Variants in TMEM120B observed in about 807,000 individuals in gnomAD.
The protein encoded by TMEM120B is transmembrane protein 120B.
A neutral mutation model predicts 55.5 loss-of-function variants in TMEM120B; 31 were observed. That is an observed-to-expected ratio of 0.56 (90% CI 0.42 to 0.75). The LOEUF (loss-of-function observed/expected upper bound fraction) is 0.75, where lower values mean the gene tolerates loss of function less well. Among genes scored for constraint, TMEM120B ranks in the 30% least tolerant of loss-of-function variants. The pLI is 0.00. For synonymous variants in TMEM120B, 203 were observed against 176.3 expected (o/e 1.15, Z -1.20); for missense variants, 399 against 425.5 (o/e 0.94, Z 0.55).
chr12:121,713,830 C>A (rs1894645638), intron 1 of TMEM120B, among the ~76,000 whole-genome samples: 1 of 152,156 alleles, frequency 6.6e-6, no homozygotes, highest in Non-Finnish European at 1.5e-5. Flanking sequence ...CAGGGCTGTT[C>A]CCTCTCCAGT....
intron 5 of TMEM120B, among the ~76,000 whole-genome samples, chr12:121,761,090 T>C (rs1216080967): frequency 2.6e-5 from 4 of 152,176 alleles, no homozygotes; most frequent in East Asian, 3.9e-4. Context: ...GCAATTCTCC[T>C]ACCTCAGCCT....
chr12:121,738,333 G>A (rs568829685), intron 1 of TMEM120B, among the ~76,000 whole-genome samples: 3 of 152,052 alleles, frequency 2.0e-5, no homozygotes, highest in Non-Finnish European at 4.4e-5. Flanking sequence ...TGTTTTACTT[G>A]TGACATTAAA....
intron 10 of TMEM120B, 33 bp downstream of exon 10, chr12:121,774,755 G>C (rs1874180456): frequency 1.9e-6 from 3 of 1,610,040 alleles, no homozygotes; most frequent in Non-Finnish European, 1.7e-6. Context: ...GGTATCTCCT[G>C]TCTGGGCTGA....
intron 1 of TMEM120B, among the ~76,000 whole-genome samples, chr12:121,717,086 G>T (rs1334447755): frequency 1.3e-5 from 2 of 152,150 alleles, no homozygotes; most frequent in African/African-American, 4.8e-5. Context: ...TAGTTTTTGG[G>T]TGGCTGGGGT....
In TMEM120B at chr12:121,743,762, A is replaced by G. The variant is rs1301494786; in HGVS notation, c.188+15A>G. The G allele has an allele frequency of 6.3e-7, 1 of 1,585,978 alleles. No homozygotes were observed. Among genetic ancestry groups the G allele is most frequent in the African/African-American group, 1.3e-5 (1 of 74,276 alleles). ...ACACTCCAGAGGTAGGTGCAGCTGT[A>G]GCCCGGGGGCTGCCCTGGTTCTGAG... On this transcript the variant is annotated intron_variant, in intron 2 of 11. Coordinates refer to ENST00000449592, the MANE Select transcript of TMEM120B (RefSeq NM_001080825.2).
At chr12:121,773,385 C>T (rs374825885) in intron 8 of TMEM120B, 36 bp from the exon 9 acceptor site, 3 of 1,578,866 alleles carry the variant, frequency 1.9e-6, no homozygotes, top group South Asian at 1.1e-5. Flanking sequence ...CCGGGGACAC[C>T]AGGCCCTGAG....
intron 1 of TMEM120B, among the ~76,000 whole-genome samples, chr12:121,729,542 A>G (rs1470734133): frequency 1.3e-5 from 2 of 152,112 alleles, no homozygotes; most frequent in African/African-American, 4.8e-5. Flanking sequence ...GTGGTGGCTC[A>G]CACCTGTAAT....
At position 121,739,050 on chromosome 12, in the gene TMEM120B, G is replaced by T. The variant is rs1315929789; in HGVS notation, c.70-4579G>T. Among the ~76,000 whole-genome samples the T allele has an allele frequency of 2.0e-5, 3 of 152,096 alleles. No homozygotes were observed. The East Asian group carries it at 5.8e-4, about 29-fold the overall frequency. ...TACTAAAAATACAAAAATTAGCTGG[G>T]TATGGTGGCACCTATAATCCCAGCT... is the stretch of plus-strand genomic sequence containing the variant. On this transcript the variant is annotated intron_variant, in intron 1 of 11. Coordinates refer to ENST00000449592, the MANE Select transcript of TMEM120B (RefSeq NM_001080825.2).
chr12:121,755,624 C>G (rs1057053811), intron 5 of TMEM120B, among the ~76,000 whole-genome samples: 13 of 152,032 alleles, frequency 8.6e-5, no homozygotes, highest in Non-Finnish European at 1.8e-4. Flanking sequence ...CCAGAAGAGA[C>G]CCCCAAGACA....
At chr12:121,742,191 C>T (rs1008652338) in intron 1 of TMEM120B, among the ~76,000 whole-genome samples, 1 of 151,986 alleles carries the variant, frequency 6.6e-6, no homozygotes, top group African/African-American at 2.4e-5. Context: ...TTAGTAGAGA[C>T]AGGGTTTCAC....
At position 121,780,405 on chromosome 12, in the gene TMEM120B, C is replaced by T; in HGVS notation, c.*4683C>T. On this transcript the variant is annotated 3_prime_UTR_variant, in exon 12 of 12. Transcript: ENST00000449592. The stretch of plus-strand genomic sequence containing the variant: ...ATTTCTTGTGAAAGTTTCTTTTTGC[C>T]TTTGCATTCCTTTTATTCTGTTTAT... 1 of 198,282 alleles carries T rather than the reference C, an allele frequency of 5.0e-6. No individual in the cohort carries two copies. Among genetic ancestry groups the T allele is most frequent in the Non-Finnish European group, 1.0e-5 (1 of 96,924 alleles). The allele number at this position is 198,282 out of a possible 1,614,324, so 12.3% of individuals were successfully genotyped here. A position where few individuals can be genotyped will look rare whatever the true frequency, so the allele number is the denominator to read the frequency against.
intron 5 of TMEM120B, among the ~76,000 whole-genome samples, chr12:121,753,189 T>C (rs573463437): frequency 6.6e-6 from 1 of 152,202 alleles, no homozygotes; most frequent in Admixed American, 6.5e-5. Context: ...AATGTGATGC[T>C]GAGTTAAAGA....
intron 2 of TMEM120B, among the ~76,000 whole-genome samples, chr12:121,747,268 G>GAC (rs1873115860): frequency 6.9e-6 from 1 of 145,272 alleles, no homozygotes; most frequent in African/African-American, 2.7e-5. Context: ...GAAGGTGGGA[G>GAC]GCTGGGGTAG....
chr12:121,772,058 TCTTC>T (rs1874074139), intron 8 of TMEM120B, among the ~76,000 whole-genome samples: 5 of 151,516 alleles, frequency 3.3e-5, no homozygotes, highest in South Asian at 4.2e-4. Flanking sequence ...TCTTTCTTTT[TCTTC>T]CTTTCTTTTT....
intron 5 of TMEM120B, among the ~76,000 whole-genome samples, chr12:121,760,987 G>GT (rs997393689): frequency 5.8e-4 from 88 of 150,564 alleles, no homozygotes; most frequent in African/African-American, 1.6e-3. Context: ...CCATTCTTTT[G>GT]TTTTTTTTTG....
chr12:121,750,102 C>CA (rs1398203495), intron 3 of TMEM120B, among the ~76,000 whole-genome samples: 1 of 151,934 alleles, frequency 6.6e-6, no homozygotes, highest in African/African-American at 2.4e-5. Flanking sequence ...TATGCTTAGT[C>CA]ACCTGCTCAC....
At chr12:121,767,075 C>T (rs777704398) in intron 6 of TMEM120B, among the ~76,000 whole-genome samples, 43 of 152,188 alleles carry the variant, frequency 2.8e-4, no homozygotes, top group Non-Finnish European at 5.9e-4. Context: ...TTGGGACATG[C>T]TGTCCCTACG....
intron 1 of TMEM120B, among the ~76,000 whole-genome samples, chr12:121,718,930 A>C (rs1247675638): frequency 6.6e-6 from 1 of 152,112 alleles, no homozygotes; most frequent in African/African-American, 2.4e-5. Flanking sequence ...CATTATTCTC[A>C]GGCAGTCCCT....
intron 2 of TMEM120B, among the ~76,000 whole-genome samples, chr12:121,745,267 C>T (rs531244324): frequency 1.4e-4 from 21 of 152,282 alleles, no homozygotes; most frequent in Middle Eastern, 3.4e-3. Context: ...TTGAGAGTTC[C>T]GTGTTACCAA....
Sources: allele counts gnomAD v4.1 joint callset (sites outside exome capture counted in the v4.1 genomes callset), GRCh38; gene constraint gnomAD v4.1.1; transcripts MANE v1.5; gene names NCBI Gene and HGNC (gene_info 2026-07-23, HGNC 2026-07-21).